The following TAFA1 variants were observed in gnomAD, a reference collection of about 807,000 sequenced individuals.
The protein encoded by TAFA1 is chemokine-like protein TAFA-1.
Under a neutral mutation model 18.5 loss-of-function variants are expected in TAFA1, and 4 were observed. That is an observed-to-expected ratio of 0.22 (90% CI 0.11 to 0.49). The LOEUF (loss-of-function observed/expected upper bound fraction) is 0.49. Among genes scored for constraint, TAFA1 ranks in the 20% least tolerant of loss-of-function variants. The pLI, the probability that TAFA1 is intolerant of heterozygous loss-of-function variation, is 0.98. For missense variants in TAFA1, 147 were observed against 169.0 expected, an observed-to-expected ratio of 0.87 and a Z score of 0.72; for synonymous variants, 56 against 55.2, an observed-to-expected ratio of 1.01 and a Z score of -0.06.
chr3:68,024,425 AC>A (rs1479401875), intron 2 of TAFA1, among the ~76,000 whole-genome samples: 1 of 152,154 alleles, frequency 6.6e-6, no homozygotes, highest in Non-Finnish European at 1.5e-5. Flanking sequence ...CTTTAATTAA[AC>A]ATTCTTGTAG....
chr3:68,137,131 C>T (rs1049832163), intron 2 of TAFA1, among the ~76,000 whole-genome samples: 3 of 152,106 alleles, frequency 2.0e-5, no homozygotes, highest in Admixed American at 2.0e-4. Context: ...GGAAAAATCT[C>T]TCTCCTGTTG....
intron 2 of TAFA1, among the ~76,000 whole-genome samples, chr3:68,399,403 C>G (rs1460504524): frequency 6.6e-6 from 1 of 152,102 alleles, no homozygotes; most frequent in Non-Finnish European, 1.5e-5. Context: ...ACAACAGAGG[C>G]TCAACCATCC....
At chr3:68,314,592 C>A (rs530585361) in intron 2 of TAFA1, among the ~76,000 whole-genome samples, 3 of 152,144 alleles carry the variant, frequency 2.0e-5, no homozygotes, top group East Asian at 1.9e-4. Flanking sequence ...TCTACACATA[C>A]GCAATATCAT....
intron 2 of TAFA1, among the ~76,000 whole-genome samples, chr3:68,362,441 C>T (rs187126915): frequency 6.6e-6 from 1 of 152,214 alleles, no homozygotes; most frequent in East Asian, 1.9e-4. Flanking sequence ...ATTCAGGAAA[C>T]AGCACAGGCA....
At chr3:68,523,715 A>G (rs1463694583) in intron 3 of TAFA1, among the ~76,000 whole-genome samples, 1 of 152,194 alleles carries the variant, frequency 6.6e-6, no homozygotes, top group East Asian at 1.9e-4. Flanking sequence ...TAAGTGTATT[A>G]TGGAAAAGAT....
intron 2 of TAFA1, among the ~76,000 whole-genome samples, chr3:68,161,131 A>G (rs1165979704): frequency 1.3e-5 from 2 of 152,246 alleles, no homozygotes; most frequent in Non-Finnish European, 2.9e-5. Flanking sequence ...AATCTAAGTT[A>G]GGAAGCTACA....
rs560279048 is a variant in TAFA1, at chr3:68,037,378, C to T, written c.118+30634C>T. Reference sequence around the variant, plus strand: ...AGAATTTGTACTTTTATCTTAGAAGCCTGTAATGAAGCATCCACAAACCAT... The same window carrying T: ...AGAATTTGTACTTTTATCTTAGAAGTCTGTAATGAAGCATCCACAAACCAT... On this transcript the variant is annotated intron_variant, in intron 2 of 4. Coordinates refer to ENST00000478136, the MANE Select transcript of TAFA1 (RefSeq NM_213609.4). Among the ~76,000 whole-genome samples, 4 of 152,244 alleles carry T rather than the reference C, an allele frequency of 2.6e-5. No homozygotes were observed. The East Asian group carries it at 5.8e-4, about 22-fold the overall frequency.
chr3:68,303,451 T>G (rs1322259975), intron 2 of TAFA1, among the ~76,000 whole-genome samples: 1 of 152,104 alleles, frequency 6.6e-6, no homozygotes, highest in African/African-American at 2.4e-5. Context: ...TTCTTTTTGT[T>G]TTTTTTTGAG....
intron 2 of TAFA1, among the ~76,000 whole-genome samples, chr3:68,208,070 T>A (rs1466125089): frequency 6.6e-6 from 1 of 151,910 alleles, no homozygotes; most frequent in African/African-American, 2.4e-5. Flanking sequence ...ATATTTTTCA[T>A]TGTATGAAAA....
At chr3:68,154,517 A>G (rs1197853365) in intron 2 of TAFA1, among the ~76,000 whole-genome samples, 1 of 152,196 alleles carries the variant, frequency 6.6e-6, no homozygotes, top group Non-Finnish European at 1.5e-5. Flanking sequence ...TCTTTAGCTT[A>G]TAATATTGCA....
intron 2 of TAFA1, among the ~76,000 whole-genome samples, chr3:68,078,948 T>C (rs559187968): frequency 6.6e-6 from 1 of 152,316 alleles, no homozygotes; most frequent in Non-Finnish European, 1.5e-5. Flanking sequence ...TCCTGTACTC[T>C]TTTTGGCTGG....
chr3:68,124,787 A>G (rs1486425208), intron 2 of TAFA1, among the ~76,000 whole-genome samples: 1 of 152,238 alleles, frequency 6.6e-6, no homozygotes, highest in Non-Finnish European at 1.5e-5. Context: ...TTGAGTGAAC[A>G]GAGGTTCTGA....
chr3:68,171,326 C>T (rs1046295584), intron 2 of TAFA1, among the ~76,000 whole-genome samples: 1 of 152,086 alleles, frequency 6.6e-6, no homozygotes, highest in South Asian at 2.1e-4. Flanking sequence ...ATAGATTGTT[C>T]TATAAAGCCT....
intron 2 of TAFA1, among the ~76,000 whole-genome samples, chr3:68,246,616 A>ATAAAAAAAAAAAAT (rs1343341796): frequency 7.4e-5 from 11 of 147,968 alleles, no homozygotes; most frequent in African/African-American, 2.8e-4. Context: ...AAAAAAAAAA[A>ATAAAAAAAAAAAAT]AAAAAAAAAT....
At chr3:68,160,209 G>A (rs2065909421) in intron 2 of TAFA1, among the ~76,000 whole-genome samples, 1 of 152,190 alleles carries the variant, frequency 6.6e-6, no homozygotes, top group South Asian at 2.1e-4. Context: ...GGGCCTCATA[G>A]AGCAGGAGTA....
At chr3:68,010,097 C>T (rs113709631) in intron 2 of TAFA1, among the ~76,000 whole-genome samples, 9,574 of 152,224 alleles carry the variant, frequency 0.063, 514 homozygotes, top group South Asian at 0.22. Context: ...GCAGACTCCG[C>T]GTGCATACCA....
chr3:68,291,107 G>A (rs1431396451), intron 2 of TAFA1, among the ~76,000 whole-genome samples: 1 of 152,072 alleles, frequency 6.6e-6, no homozygotes, highest in African/African-American at 2.4e-5. Context: ...TTCAAGAAAT[G>A]TTAGTTCTAT....
intron 2 of TAFA1, among the ~76,000 whole-genome samples, chr3:68,029,880 G>A (rs1463145114): frequency 6.6e-6 from 1 of 152,082 alleles, no homozygotes; most frequent in Non-Finnish European, 1.5e-5. Flanking sequence ...CCTTGCCTAA[G>A]CCTCAGCTGT....
upstream of TAFA1, among the ~76,000 whole-genome samples, chr3:68,003,718 A>T (rs933251596): frequency 3.3e-5 from 5 of 152,176 alleles, no homozygotes; most frequent in African/African-American, 9.7e-5. Context: ...AAAATTTTTT[A>T]AAAAAGAGCT....
Sources: allele counts gnomAD v4.1 joint callset (sites outside exome capture counted in the v4.1 genomes callset), GRCh38; gene constraint gnomAD v4.1.1; transcripts MANE v1.5; gene names NCBI Gene and HGNC (gene_info 2026-07-23, HGNC 2026-07-21).